ZBBX: variants seen among roughly 807,000 people sequenced by gnomAD.
ZBBX encodes the protein zinc finger B-box domain-containing protein 1.
ZBBX carries 101 observed loss-of-function variants against 108.5 expected under a neutral mutation model. The ratio of observed to expected loss-of-function variants is 0.93; its 90% CI spans 0.79 to 1.10. The LOEUF (loss-of-function observed/expected upper bound fraction) is 1.10, where lower values mean the gene tolerates loss of function less well. ZBBX is among the 50% of genes least tolerant of loss of function. ZBBX has a pLI of 0.00. For synonymous variants in ZBBX, 356 were observed against 323.4 expected (o/e 1.10, Z -1.08); for missense variants, 1,009 against 941.4 (o/e 1.07, Z -0.94).
At chr3:167,212,141 T>C in the ZBBX span, among the ~76,000 whole-genome samples, 2 of 152,114 alleles carry the variant, frequency 1.3e-5, no homozygotes, top group African/African-American at 4.8e-5. Flanking sequence ...CAGGCTGCCA[T>C]CTTTGCTGTT....
At position 167,300,064 on chromosome 3, in the gene ZBBX, C is replaced by A. The variant is rs1211563511; in HGVS notation, c.1726-1606G>T. Among the ~76,000 whole-genome samples, 12 of 152,298 alleles carry A rather than the reference C, an allele frequency of 7.9e-5. No individual in the cohort carries two copies. The East Asian group carries it at 1.2e-3, about 15-fold the overall frequency. ...ATGCTCAGGGAGAACCTTTGGCACT[C>A]AGCTTAAGTCCTGTCTTACCAGTGG... On this transcript the variant is annotated intron_variant, in intron 17 of 21. Transcript: ENST00000675490.
chr3:167,293,644 G>A (rs1016799188), intron 18 of ZBBX, among the ~76,000 whole-genome samples: 1 of 152,168 alleles, frequency 6.6e-6, no homozygotes, highest in African/African-American at 2.4e-5. Context: ...AAAAGACAAG[G>A]ATGCCCTCTG....
chr3:167,183,508 T>C, the ZBBX span, among the ~76,000 whole-genome samples: 1 of 151,796 alleles, frequency 6.6e-6, no homozygotes, highest in African/African-American at 2.4e-5. Flanking sequence ...GAGTGCGGAG[T>C]GGGAATCAGG....
At chr3:167,348,372 A>AAAGAAAGAAAG (rs1560163843) in intron 9 of ZBBX, among the ~76,000 whole-genome samples, 42 of 104,802 alleles carry the variant, frequency 4.0e-4, no homozygotes, top group Admixed American at 9.8e-4. Flanking sequence ...AAGAAAGAAA[A>AAAGAAAGAAAG]AAAAGAAAAG....
At chr3:167,279,959 C>T (rs1210801693) in intron 20 of ZBBX, among the ~76,000 whole-genome samples, 3 of 151,738 alleles carry the variant, frequency 2.0e-5, no homozygotes, top group South Asian at 2.1e-4. Flanking sequence ...CTACAGCTAT[C>T]TGATCTTTGA....
At position 167,301,753 on chromosome 3, in the gene ZBBX, C is replaced by G. The variant is rs987240896; in HGVS notation, c.1726-3295G>C. Among the ~76,000 whole-genome samples the G allele has an allele frequency of 7.9e-5, 12 of 152,036 alleles. No individual in the cohort carries two copies. In the East Asian group the frequency reaches 2.3e-3, roughly 29 times the overall value. ...CGGTTGGATCGCGAGGTCAGGAGAT[C>G]GAGACCATCCTGGCTAACACGATGA... On this transcript the variant is annotated intron_variant, in intron 17 of 21. Coordinates refer to ENST00000675490, the MANE Select transcript of ZBBX (RefSeq NM_001199201.2).
chr3:167,243,018 G>T (rs543307055), intron 20 of ZBBX, among the ~76,000 whole-genome samples: 252 of 152,144 alleles, frequency 1.7e-3, no homozygotes, highest in Non-Finnish European at 3.0e-3. Context: ...AGAAATAAAA[G>T]CTTTACTCCC....
intron 20 of ZBBX, among the ~76,000 whole-genome samples, chr3:167,260,737 A>G (rs910330454): frequency 2.6e-5 from 4 of 152,150 alleles, no homozygotes; most frequent in African/African-American, 4.8e-5. Flanking sequence ...CACTTCTTGT[A>G]TCATATTTTG....
rs1209960322 is a variant in ZBBX at position 167,341,654 on chromosome 3, T to G, written c.529-7669A>C. 5.9e-5 allele frequency among the ~76,000 whole-genome samples: 9 copies of G among 152,076 alleles called. No homozygotes were observed. In the South Asian group the frequency reaches 1.7e-3, roughly 28 times the overall value. ...TGTAATTTTGCTTTCTATTTGCAGT[T>G]TTGATGCCATATAATTATGCACTAT... On this transcript the variant is annotated intron_variant, in intron 9 of 21. Coordinates refer to ENST00000675490, the MANE Select transcript of ZBBX (RefSeq NM_001199201.2).
intron 4 of ZBBX, 127 bp from the exon 5 acceptor site, chr3:167,368,701 A>T: frequency 7.8e-7 from 1 of 1,285,088 alleles, no homozygotes; most frequent in Non-Finnish European, 9.8e-7. Context: ...TTTCTTTTGT[A>T]CTTCTCCGAA....
downstream of ZBBX, among the ~76,000 whole-genome samples, chr3:167,237,849 T>C (rs1720292901): frequency 6.6e-6 from 1 of 151,984 alleles, no homozygotes; most frequent in Non-Finnish European, 1.5e-5. Flanking sequence ...AATTCTTATA[T>C]TGTAAAAGGT....
the ZBBX span, among the ~76,000 whole-genome samples, chr3:167,210,301 CA>C: frequency 2.0e-5 from 3 of 151,080 alleles, no homozygotes. Flanking sequence ...CAGAATTGAT[CA>C]AAAAGAAGAA....
chr3:167,232,412 T>G, the ZBBX span, among the ~76,000 whole-genome samples: 1 of 151,808 alleles, frequency 6.6e-6, no homozygotes, highest in Non-Finnish European at 1.5e-5. Context: ...GGCACATCCT[T>G]GGTAAAAGTT....
At chr3:167,365,843 C>G in intron 6 of ZBBX, 43 bp downstream of exon 6, 1 of 1,449,872 alleles carries the variant, frequency 6.9e-7, no homozygotes, top group Non-Finnish European at 9.6e-7. Flanking sequence ...AGAATATCTT[C>G]TTGCTTAGCA....
chr3:167,270,066 T>C lies in ZBBX; in HGVS notation c.2254+12172A>G, dbSNP rs1726255927. ...TCCAAAGCATACATGCATGCTCCAA[T>C]ATGTTGATGATATCCTCATATCAGG... is the stretch of plus-strand genomic sequence containing the variant. On this transcript the variant is annotated intron_variant, in intron 20 of 21. Coordinates refer to ENST00000675490, the MANE Select transcript of ZBBX (RefSeq NM_001199201.2). 2.0e-5 allele frequency among the ~76,000 whole-genome samples: 3 copies of C among 152,300 alleles called. No individual in the cohort carries two copies. In the South Asian group the frequency reaches 6.2e-4, roughly 32 times the overall value.
chr3:167,328,043 T>C lies in ZBBX; in HGVS notation c.761A>G (p.Asp254Gly), dbSNP rs371872863. The C allele has an allele frequency of 2.0e-5, 32 of 1,613,236 alleles. No homozygotes were observed. The African/African-American group carries it at 4.1e-4, about 21-fold the overall frequency. The change falls in exon 11 of 22, where the codon GAT becomes GGT. Residue 254 changes from aspartate to glycine, a missense_variant. Transcript: ENST00000675490. ...RKSLLCEGSF[D>G]EEASAQSFQE... Reference sequence around the variant, plus strand: ...AAAGGACTGTGCAGAAGCTTCTTCATCGAATGACCCTTCACACAACAGACT... The same window carrying C: ...AAAGGACTGTGCAGAAGCTTCTTCACCGAATGACCCTTCACACAACAGACT...
chr3:167,265,993 AGTAT>A (rs1725391635), intron 20 of ZBBX, among the ~76,000 whole-genome samples: 1 of 152,212 alleles, frequency 6.6e-6, no homozygotes, highest in Admixed American at 6.5e-5. Context: ...TTGGTAATTC[AGTAT>A]GTCTCTCTTG....
In ZBBX at chr3:167,333,939, A is replaced by G; in HGVS notation, c.575T>C (p.Phe192Ser). The G allele has an allele frequency of 6.2e-7, 1 of 1,607,476 alleles. No individual in the cohort carries two copies. The highest frequency in any genetic ancestry group is 8.5e-7 in the Non-Finnish European group (1 of 1,176,760). The change falls in exon 10 of 22, where the codon TTT (phenylalanine) becomes TCT (serine). Residue 192 changes from phenylalanine (F) to serine (S), a missense_variant. Coordinates refer to ENST00000675490, the MANE Select transcript of ZBBX (RefSeq NM_001199201.2). ...LFNVLDVAHQ[F>S]IKDVNPDEPK... ...TTCATCTGGATTAACATCCTTTATA[A>G]ACTGATGGGCAACATCCAATACATT...
At chr3:167,187,099 C>A in the ZBBX span, among the ~76,000 whole-genome samples, 1 of 152,002 alleles carries the variant, frequency 6.6e-6, no homozygotes, top group East Asian at 1.9e-4. Flanking sequence ...GGTTTGCTAC[C>A]GTAGACCCAA....
Sources: gnomAD v4.1 joint callset for allele counts (sites outside exome capture counted in the v4.1 genomes callset) on GRCh38, gnomAD v4.1.1 for gene constraint, MANE v1.5 for transcripts, NCBI Gene and HGNC (gene_info 2026-07-23, HGNC 2026-07-21) for gene names.